Variants in ANXA7 observed in about 807,000 individuals in gnomAD.
ANXA7 encodes annexin A7.
ANXA7 carries 55 observed loss-of-function variants against 64.9 expected under a neutral mutation model. The ratio of observed to expected loss-of-function variants is 0.85; its 90% CI spans 0.68 to 1.06. The LOEUF (loss-of-function observed/expected upper bound fraction) is 1.06. Among genes scored for constraint, ANXA7 ranks in the 50% least tolerant of loss-of-function variants. The probability of loss-of-function intolerance (pLI) is 0.00; values close to 1 mark genes in which losing one functional copy is unlikely to be tolerated. For synonymous variants in ANXA7, 200 were observed against 192.4 expected, an observed-to-expected ratio of 1.04 and a Z score of -0.33; for missense variants, 548 against 582.1, an observed-to-expected ratio of 0.94 and a Z score of 0.60.
At chr10:73,376,400 C>T (rs2055172443) in intron 12 of ANXA7, among the ~76,000 whole-genome samples, 183 bp from the exon 13 acceptor site, 1 of 152,166 alleles carries the variant, frequency 6.6e-6, no homozygotes, top group Non-Finnish European at 1.5e-5. Context: ...GTCTGATTCA[C>T]AGCTCTGTAA....
chr10:73,387,931 A>C, intron 6 of ANXA7, 148 bp from the exon 7 acceptor site: 1 of 641,602 alleles, frequency 1.6e-6, no homozygotes. Context: ...GGCTGACTGC[A>C]ATCTCCACCT....
chr10:73,406,581 T>C (rs1431686707), intron 1 of ANXA7, among the ~76,000 whole-genome samples: 7 of 152,162 alleles, frequency 4.6e-5, no homozygotes, highest in Admixed American at 4.6e-4. Context: ...ATTATACATA[T>C]ATTTTTGAGA....
intron 7 of ANXA7, among the ~76,000 whole-genome samples, chr10:73,385,870 A>G (rs2132661655): frequency 6.6e-6 from 1 of 152,248 alleles, no homozygotes; most frequent in Middle Eastern, 3.4e-3. Context: ...ATTCTGAGAA[A>G]TATAAACTAG....
intron 1 of ANXA7, among the ~76,000 whole-genome samples, chr10:73,412,161 T>C (rs568562117): frequency 1.3e-5 from 2 of 151,960 alleles, no homozygotes; most frequent in South Asian, 4.2e-4. Context: ...CTCAACCTCC[T>C]GAGTAGCTGG....
Position 73,387,786 on chromosome 10 carries a change from G to C in ANXA7, c.539-3C>G. On this transcript the variant is annotated splice_region_variant and splice_polypyrimidine_tract_variant and intron_variant, in intron 6 of 12. Coordinates refer to ENST00000372921, the MANE Select transcript of ANXA7 (RefSeq NM_001156.5). ...CACAATTGCCTGCTCATCTGTCCCTGGAAGAACCACACATGTTTAAGTAAG... is the reference window on the plus strand; with the variant it reads ...CACAATTGCCTGCTCATCTGTCCCTCGAAGAACCACACATGTTTAAGTAAG... 2 of 1,612,168 alleles carry C rather than the reference G, an allele frequency of 1.2e-6. No homozygotes were observed. Among genetic ancestry groups the C allele is most frequent in the Non-Finnish European group, 1.7e-6 (2 of 1,179,076 alleles).
intron 12 of ANXA7, among the ~76,000 whole-genome samples, chr10:73,377,930 T>TGTGTGTGTGTGTGTGTGTGTGTGC (rs542289005): frequency 7.0e-6 from 1 of 142,498 alleles, no homozygotes; most frequent in African/African-American, 2.8e-5. Context: ...TGTGTGTGTG[T>TGTGTGTGTGTGTGTGTGTGTGTGC]GCGCGCGCGT....
At chr10:73,399,444 A>G (rs1381046260) in intron 2 of ANXA7, among the ~76,000 whole-genome samples, 3 of 152,182 alleles carry the variant, frequency 2.0e-5, no homozygotes, top group African/African-American at 7.2e-5. Context: ...CACTTTGCAT[A>G]AGGATACATA....
chr10:73,401,229 CT>C, intron 1 of ANXA7, among the ~76,000 whole-genome samples: 1 of 149,914 alleles, frequency 6.7e-6, no homozygotes, highest in South Asian at 2.1e-4. Context: ...TGGTTAAGGC[CT>C]TTGAAAACAT....
intron 7 of ANXA7, among the ~76,000 whole-genome samples, chr10:73,386,413 G>C (rs1411149319): frequency 6.6e-6 from 1 of 152,002 alleles, no homozygotes; most frequent in East Asian, 1.9e-4. Context: ...TGTCCTATGG[G>C]AGCTCAGTTT....
chr10:73,382,048 G>A (rs1052321491), intron 9 of ANXA7, among the ~76,000 whole-genome samples: 2 of 151,972 alleles, frequency 1.3e-5, no homozygotes, highest in Non-Finnish European at 2.9e-5. Context: ...CTAATTTTTT[G>A]TATTTAGTAG....
intron 12 of ANXA7, among the ~76,000 whole-genome samples, chr10:73,378,431 ATT>A (rs1004230232): frequency 1.4e-4 from 21 of 151,790 alleles, no homozygotes; most frequent in Admixed American, 7.2e-4. Context: ...GAGAAAAAAA[ATT>A]TTTTGTAAGT....
At chr10:73,413,492 G>A (rs1447555154) in intron 1 of ANXA7, among the ~76,000 whole-genome samples, 1 of 152,162 alleles carries the variant, frequency 6.6e-6, no homozygotes, top group Non-Finnish European at 1.5e-5. Context: ...AATCAAATCT[G>A]GAATGCTATT....
intron 5 of ANXA7, chr10:73,396,028 AGAAAACCTT>A: frequency 6.6e-7 from 1 of 1,523,484 alleles, no homozygotes; most frequent in Non-Finnish European, 9.1e-7. Flanking sequence ...AGTAAACATT[AGAAAACCTT>A]ACTCACTTCA....
At chr10:73,405,213 A>G (rs2055734493) in intron 1 of ANXA7, among the ~76,000 whole-genome samples, 1 of 150,126 alleles carries the variant, frequency 6.7e-6, no homozygotes, top group Admixed American at 6.7e-5. Context: ...ACTGCACTCC[A>G]GCCTGGGCCA....
intron 5 of ANXA7, among the ~76,000 whole-genome samples, chr10:73,391,147 C>G (rs2055475387): frequency 7.1e-6 from 1 of 141,418 alleles, no homozygotes. Context: ...TCTAGCCTGG[C>G]AACAGAGTGA....
Position 73,398,427 on chromosome 10 carries a change from G to T in ANXA7, c.55-42C>A, listed in dbSNP as rs1487485558. 2.0e-6 allele frequency: 3 copies of T among 1,528,096 alleles called. No homozygotes were observed. The African/African-American group carries it at 4.1e-5, about 21-fold the overall frequency. 94.7% of individuals were successfully genotyped at this position (1,528,096 alleles called of 1,614,324 possible). On this transcript the variant is annotated intron_variant, in intron 2 of 12. Coordinates refer to ENST00000372921, the MANE Select transcript of ANXA7 (RefSeq NM_001156.5). The stretch of plus-strand genomic sequence containing the variant: ...ATTTTTAAACAAATACGATCATAGA[G>T]AAATATGACCCATCTAAAAATAAGG...
intron 7 of ANXA7, among the ~76,000 whole-genome samples, chr10:73,384,830 A>C (rs148717161): frequency 6.6e-6 from 1 of 152,330 alleles, no homozygotes; most frequent in East Asian, 1.9e-4. Flanking sequence ...GTTCAAAGTC[A>C]GCTGGAGAGC....
chr10:73,396,591 G>A lies in ANXA7; in HGVS notation c.371-8C>T, dbSNP rs774665756. 1.9e-6 allele frequency: 3 copies of A among 1,585,432 alleles called. No individual in the cohort carries two copies. Among genetic ancestry groups the A allele is most frequent in the East Asian group, 4.5e-5 (2 of 44,510 alleles). On this transcript the variant is annotated splice_region_variant and splice_polypyrimidine_tract_variant and intron_variant, in intron 4 of 12. Coordinates refer to ENST00000372921, the MANE Select transcript of ANXA7 (RefSeq NM_001156.5). ...GTCCTCCAGGAAAGCCACCTATAAT[G>A]TTAAAAAAAATAATAATAATACGGC...
chr10:73,395,482 G>T (rs2055554296), intron 5 of ANXA7, among the ~76,000 whole-genome samples: 1 of 152,086 alleles, frequency 6.6e-6, no homozygotes, highest in Admixed American at 6.6e-5. Flanking sequence ...AATAAAATTT[G>T]GGATTAAAAT....
Sources: allele counts gnomAD v4.1 joint callset (sites outside exome capture counted in the v4.1 genomes callset), GRCh38; gene constraint gnomAD v4.1.1; transcripts MANE v1.5; gene names NCBI Gene and HGNC (gene_info 2026-07-23, HGNC 2026-07-21).